The following CD2AP variants were observed in gnomAD, a reference collection of about 807,000 sequenced individuals.
CD2AP encodes CD2-associated protein.
In CD2AP, 46 loss-of-function variants were observed where a neutral mutation model predicts 85.1. That is an observed-to-expected ratio of 0.54 (90% confidence interval 0.43 to 0.69). CD2AP has a LOEUF of 0.69. Ranked by LOEUF, CD2AP falls within the 30% of genes least tolerant of loss-of-function variation. The probability of loss-of-function intolerance (pLI) is 0.00; values close to 1 mark genes in which losing one functional copy is unlikely to be tolerated. For missense variants in CD2AP, 769 were observed against 729.5 expected, an observed-to-expected ratio of 1.05 and a Z score of -0.62; for synonymous variants, 255 against 252.9, an observed-to-expected ratio of 1.01 and a Z score of -0.08.
intron 5 of CD2AP, among the ~76,000 whole-genome samples, chr6:47,573,257 G>A (rs1768204840): frequency 6.6e-6 from 1 of 152,026 alleles, no homozygotes; most frequent in Non-Finnish European, 1.5e-5. Context: ...TCCATTGACT[G>A]CTTTGAAATT....
At chr6:47,551,145 T>G (rs772263462) in intron 4 of CD2AP, among the ~76,000 whole-genome samples, 1 of 151,930 alleles carries the variant, frequency 6.6e-6, no homozygotes, top group African/African-American at 2.4e-5. Context: ...AACTTACTTA[T>G]GTAACCTAAC....
chr6:47,488,151 G>A (rs1765615284), intron 1 of CD2AP, among the ~76,000 whole-genome samples: 1 of 151,208 alleles, frequency 6.6e-6, no homozygotes, highest in Admixed American at 6.6e-5. Context: ...AGGTGAATCT[G>A]CTGATTACCT....
chr6:47,564,073 CATTT>C (rs1048815545), intron 5 of CD2AP, among the ~76,000 whole-genome samples: 4 of 152,052 alleles, frequency 2.6e-5, no homozygotes, highest in Non-Finnish European at 5.9e-5. Flanking sequence ...TTTTATGTTA[CATTT>C]ATTTGAGAGT....
chr6:47,570,174 A>T (rs557507119), intron 5 of CD2AP, among the ~76,000 whole-genome samples: 1 of 151,368 alleles, frequency 6.6e-6, no homozygotes, highest in Non-Finnish European at 1.5e-5. Flanking sequence ...TGCAGTTCAC[A>T]TGTGGTTTCT....
At chr6:47,533,452 A>C (rs1028093344) in intron 2 of CD2AP, 150 bp from the exon 3 acceptor site, 7 of 717,654 alleles carry the variant, frequency 9.8e-6, no homozygotes, top group Non-Finnish European at 1.6e-5. Flanking sequence ...TTTATTCTTC[A>C]GATATGTTTG....
chr6:47,595,392 AT>A (rs984475185), intron 11 of CD2AP, among the ~76,000 whole-genome samples: 1 of 150,620 alleles, frequency 6.6e-6, no homozygotes, highest in Non-Finnish European at 1.5e-5. Context: ...TTAACATTTG[AT>A]TTTTTTTTCC....
intron 1 of CD2AP, 87 bp downstream of exon 1, chr6:47,478,335 A>G (rs1765358901): frequency 6.7e-7 from 1 of 1,482,966 alleles, no homozygotes; most frequent in Non-Finnish European, 9.2e-7. Context: ...TGGGGAGGCG[A>G]CTGCGGTCAG....
intron 11 of CD2AP, among the ~76,000 whole-genome samples, chr6:47,588,354 G>A (rs1461185943): frequency 6.6e-6 from 1 of 152,082 alleles, no homozygotes; most frequent in East Asian, 1.9e-4. Flanking sequence ...ACTTGCCATT[G>A]GTTCTCTAAT....
At chr6:47,554,100 A>G (rs1464387713) in intron 4 of CD2AP, among the ~76,000 whole-genome samples, 3 of 151,594 alleles carry the variant, frequency 2.0e-5, no homozygotes, top group African/African-American at 4.8e-5. Flanking sequence ...TTTTTTAGAG[A>G]TGGGATTTCA....
At chr6:47,509,606 AC>A (rs1172542014) in intron 2 of CD2AP, among the ~76,000 whole-genome samples, 3 of 152,220 alleles carry the variant, frequency 2.0e-5, no homozygotes, top group African/African-American at 7.2e-5. Context: ...GAGCAAGGTC[AC>A]TTCATTTTTT....
At chr6:47,575,011 A>C (rs1768267719) in intron 6 of CD2AP, among the ~76,000 whole-genome samples, 1 of 152,134 alleles carries the variant, frequency 6.6e-6, no homozygotes, top group Non-Finnish European at 1.5e-5. Context: ...GGTTATTGAG[A>C]TACTATTAAG....
chr6:47,529,106 T>A lies in CD2AP; in HGVS notation c.166-4496T>A, dbSNP rs139701860. 2.1e-3 allele frequency among the ~76,000 whole-genome samples: 321 copies of A among 151,478 alleles called. 2 individuals are homozygous for A. Among genetic ancestry groups the A allele is most frequent in the African/African-American group, 7.5e-3 (309 of 41,196 alleles). ...GCCTCTTGAATATTTTCTGACTCTT[T>A]CAGCGTTTCTCCCCTTTGTCACGAT... is the stretch of plus-strand genomic sequence containing the variant. On this transcript the variant is annotated intron_variant, in intron 2 of 17. Transcript: ENST00000359314.
intron 17 of CD2AP, among the ~76,000 whole-genome samples, chr6:47,623,500 T>C (rs1388950178): frequency 6.6e-6 from 1 of 152,238 alleles, no homozygotes; most frequent in African/African-American, 2.4e-5. Context: ...TTTAATGTCT[T>C]TGAGCCTCAA....
intron 2 of CD2AP, among the ~76,000 whole-genome samples, chr6:47,524,246 A>G (rs889971074): frequency 6.6e-6 from 1 of 152,148 alleles, no homozygotes; most frequent in Admixed American, 6.6e-5. Flanking sequence ...GGTATCAGGA[A>G]AGTTGAGTGC....
Position 47,623,050 on chromosome 6 carries a change from C to T in CD2AP, c.1879-1136C>T, listed in dbSNP as rs115089905. Among the ~76,000 whole-genome samples the T allele has an allele frequency of 3.6e-3, 550 of 152,280 alleles. 2 individuals are homozygous for T. The highest frequency in any genetic ancestry group is 0.013 in the African/African-American group (521 of 41,560). On this transcript the variant is annotated intron_variant, in intron 17 of 17. Transcript: ENST00000359314. ...AGATCGGGCTGACAATGAAAGCTAT[C>T]GTCTCAATCCAAATTGAAGACAGGC... is the stretch of plus-strand genomic sequence containing the variant.
intron 2 of CD2AP, among the ~76,000 whole-genome samples, chr6:47,507,659 C>T (rs758497005): frequency 1.3e-5 from 2 of 152,150 alleles, no homozygotes; most frequent in Non-Finnish European, 2.9e-5. Flanking sequence ...GTTGGCCAGA[C>T]TGGTCTCAAA....
intron 1 of CD2AP, among the ~76,000 whole-genome samples, chr6:47,494,976 A>T (rs1459560684): frequency 6.6e-6 from 1 of 152,146 alleles, no homozygotes; most frequent in East Asian, 1.9e-4. Context: ...TCTGGGCAGT[A>T]TAATGAGACC....
At chr6:47,523,922 A>G (rs1766657880) in intron 2 of CD2AP, among the ~76,000 whole-genome samples, 1 of 152,176 alleles carries the variant, frequency 6.6e-6, no homozygotes, top group Admixed American at 6.5e-5. Flanking sequence ...TGTGAAAAGT[A>G]CCTTTCTTTA....
intron 2 of CD2AP, among the ~76,000 whole-genome samples, chr6:47,524,990 A>G (rs1038022661): frequency 6.6e-6 from 1 of 152,134 alleles, no homozygotes; most frequent in African/African-American, 2.4e-5. Context: ...TGAATATCCA[A>G]TTTAATTTAA....
Sources: allele counts gnomAD v4.1 joint callset (sites outside exome capture counted in the v4.1 genomes callset), GRCh38; gene constraint gnomAD v4.1.1; transcripts MANE v1.5; gene names NCBI Gene and HGNC (gene_info 2026-07-23, HGNC 2026-07-21).